The following NOVA1 variants were observed in gnomAD, a reference collection of about 807,000 sequenced individuals.
The protein encoded by NOVA1 is RNA-binding protein Nova-1.
NOVA1 carries 7 observed loss-of-function variants against 38.0 expected under a neutral mutation model. The ratio of observed to expected loss-of-function variants is 0.18; its 90% CI spans 0.10 to 0.35. The LOEUF (loss-of-function observed/expected upper bound fraction) is 0.35, where lower values mean the gene tolerates loss of function less well. Ranked by LOEUF, NOVA1 falls within the 10% of genes least tolerant of loss-of-function variation. The pLI is 1.00. For missense variants in NOVA1, 460 were observed against 616.0 expected, an observed-to-expected ratio of 0.75 and a Z score of 2.68; for synonymous variants, 270 against 232.5, an observed-to-expected ratio of 1.16 and a Z score of -1.47.
Position 26,597,507 on chromosome 14 carries a change from CTTTTTT to C in NOVA1, c.-77_-72del, listed in dbSNP as rs563401938. On this transcript the variant is annotated 5_prime_UTR_variant, in exon 1 of 5. Transcript: ENST00000539517. ...GTTTTGGCTTTTTCTTTTCTTTTTTCTTTTTTTTTTTTTTTTTTTTTTGCGTTTGGG... is the reference window on the plus strand; with the variant it reads ...GTTTTGGCTTTTTCTTTTCTTTTTTCTTTTTTTTTTTTTTTTGCGTTTGGG... The C allele has an allele frequency of 3.9e-4, 303 of 782,548 alleles. No homozygotes were observed. The highest frequency in any genetic ancestry group is 1.8e-3 in the East Asian group (21 of 11,538). The allele number at this position is 782,548 out of a possible 1,614,324, so 48.5% of individuals were successfully genotyped here.
At chr14:26,522,275 T>C (rs1326971115) in intron 2 of NOVA1, among the ~76,000 whole-genome samples, 4 of 152,148 alleles carry the variant, frequency 2.6e-5, no homozygotes, top group South Asian at 2.1e-4. Context: ...TTTTGAAATA[T>C]GGAAATTTCT....
Position 26,473,035 on chromosome 14 carries a change from CTAAT to C in NOVA1, c.448-648_448-645del, listed in dbSNP as rs540319734. Reference sequence around the variant, plus strand: ...TAACCTCATATTAATAAACAGGTAACTAATAGCATTCTAACAAATCATCATAATA... The same window carrying C: ...TAACCTCATATTAATAAACAGGTAACAGCATTCTAACAAATCATCATAATA... On this transcript the variant is annotated intron_variant, in intron 3 of 4. Transcript: ENST00000539517. Among the ~76,000 whole-genome samples the C allele has an allele frequency of 4.5e-3, 687 of 151,816 alleles. 5 individuals are homozygous for C. The highest frequency in any genetic ancestry group is 0.016 in the African/African-American group (654 of 41,456).
intron 2 of NOVA1, among the ~76,000 whole-genome samples, chr14:26,546,137 T>C (rs973074168): frequency 2.0e-5 from 3 of 152,096 alleles, no homozygotes; most frequent in African/African-American, 7.2e-5. Flanking sequence ...CATTTTTAAT[T>C]CTAAAACATT....
chr14:26,595,607 C>G (rs1894139779), intron 1 of NOVA1, 54 bp from the exon 2 acceptor site: 11 of 1,505,946 alleles, frequency 7.3e-6, no homozygotes, highest in Non-Finnish European at 1.0e-5. Context: ...AACTTTGTAT[C>G]CCCTCTCCAC....
intron 4 of NOVA1, among the ~76,000 whole-genome samples, chr14:26,471,278 A>G (rs977321774): frequency 6.6e-6 from 1 of 152,042 alleles, no homozygotes. Context: ...AGGATAAAAA[A>G]ATCAGCAAAA....
chr14:26,450,170 T>C (rs1882537859), intron 4 of NOVA1, among the ~76,000 whole-genome samples: 1 of 152,112 alleles, frequency 6.6e-6, no homozygotes, highest in African/African-American at 2.4e-5. Context: ...AGCAGGACAT[T>C]TAGTTGTTTG....
intron 2 of NOVA1, chr14:26,594,149 C>A (rs1894034688): frequency 6.6e-6 from 1 of 151,896 alleles, no homozygotes; most frequent in African/African-American, 2.4e-5. Flanking sequence ...AAACTACACT[C>A]ATAGGAAACA....
At chr14:26,596,832 A>G in intron 1 of NOVA1, 12 of 1,122,976 alleles carry the variant, frequency 1.1e-5, no homozygotes, top group Non-Finnish European at 1.3e-5. Context: ...GAGGATGGAG[A>G]GAGGAAAAAC....
At chr14:26,528,791 T>C (rs1046990648) in intron 2 of NOVA1, among the ~76,000 whole-genome samples, 1 of 152,230 alleles carries the variant, frequency 6.6e-6, no homozygotes, top group Admixed American at 6.5e-5. Context: ...ATCCTACTAT[T>C]GTTGGTGCCC....
chr14:26,539,911 G>T (rs1227283786), intron 2 of NOVA1, among the ~76,000 whole-genome samples: 1 of 151,990 alleles, frequency 6.6e-6, no homozygotes, highest in East Asian at 1.9e-4. Context: ...AGCACAAGAA[G>T]CAAAAATAGC....
At chr14:26,465,000 C>T (rs989643348) in intron 4 of NOVA1, among the ~76,000 whole-genome samples, 4 of 152,088 alleles carry the variant, frequency 2.6e-5, no homozygotes, top group Non-Finnish European at 5.9e-5. Flanking sequence ...TCATAACTCT[C>T]ATCCTAGTGA....
At chr14:26,522,882 AAATT>A (rs1291137877) in intron 2 of NOVA1, among the ~76,000 whole-genome samples, 2 of 152,168 alleles carry the variant, frequency 1.3e-5, no homozygotes, top group African/African-American at 2.4e-5. Flanking sequence ...CTAATTACAC[AAATT>A]ATTATGCTCC....
chr14:26,464,618 T>C (rs577286929), intron 4 of NOVA1, among the ~76,000 whole-genome samples: 23 of 152,316 alleles, frequency 1.5e-4, no homozygotes, highest in South Asian at 6.2e-4. Flanking sequence ...CTGGCTGATC[T>C]CAATATTACT....
chr14:26,543,426 G>C (rs1474715926), intron 2 of NOVA1, among the ~76,000 whole-genome samples: 7 of 151,948 alleles, frequency 4.6e-5, no homozygotes, highest in Admixed American at 3.9e-4. Flanking sequence ...GTCAGTGGCT[G>C]TCTCAAAATC....
rs1398989459 is a variant in NOVA1 at position 26,452,646 on chromosome 14, C to A, written c.520-3683G>T. ...TCTGGCTGAGAAAAATACACATATT[C>A]TTATTTCTAAAGAATCGGGAGAAAA... On this transcript the variant is annotated intron_variant, in intron 4 of 4. Transcript: ENST00000539517. Among the ~76,000 whole-genome samples, 3 of 152,132 alleles carry A rather than the reference C, an allele frequency of 2.0e-5. No homozygotes were observed. In the East Asian group the frequency reaches 5.8e-4, roughly 29 times the overall value.
In NOVA1 at chr14:26,597,507, C is replaced by T. The variant is rs201990254; in HGVS notation, c.-71G>A. The T allele has an allele frequency of 3.5e-3, 2,723 of 782,342 alleles. No homozygotes were observed. The highest frequency in any genetic ancestry group is 4.5e-3 in the Admixed American group (20 of 4,486). The allele number at this position is 782,342 out of a possible 1,614,324, so 48.5% of individuals were successfully genotyped here. Reference sequence around the variant, plus strand: ...GTTTTGGCTTTTTCTTTTCTTTTTTCTTTTTTTTTTTTTTTTTTTTTTGCG... The same window carrying T: ...GTTTTGGCTTTTTCTTTTCTTTTTTTTTTTTTTTTTTTTTTTTTTTTTGCG... On this transcript the variant is annotated 5_prime_UTR_variant, in exon 1 of 5. Coordinates refer to ENST00000539517, the MANE Select transcript of NOVA1 (RefSeq NM_002515.3).
chr14:26,496,147 C>G (rs1235787987), intron 2 of NOVA1, among the ~76,000 whole-genome samples: 2 of 150,600 alleles, frequency 1.3e-5, no homozygotes, highest in Non-Finnish European at 3.0e-5. Flanking sequence ...TCCACATCCT[C>G]TCCAGCACCT....
chr14:26,565,025 A>G (rs376569344), intron 2 of NOVA1, among the ~76,000 whole-genome samples: 1 of 152,166 alleles, frequency 6.6e-6, no homozygotes, highest in Non-Finnish European at 1.5e-5. Flanking sequence ...TCTGTGTGGG[A>G]AAGTAGCTAC....
chr14:26,548,168 A>C (rs1399434158), intron 2 of NOVA1, among the ~76,000 whole-genome samples: 1 of 152,066 alleles, frequency 6.6e-6, no homozygotes, highest in Non-Finnish European at 1.5e-5. Context: ...TAATTAACAC[A>C]AATAATATTC....
Sources: gnomAD v4.1 joint callset for allele counts (sites outside exome capture counted in the v4.1 genomes callset) on GRCh38, gnomAD v4.1.1 for gene constraint, MANE v1.5 for transcripts, NCBI Gene and HGNC (gene_info 2026-07-23, HGNC 2026-07-21) for gene names.